The following MECOM variants were observed in gnomAD, a reference collection of about 807,000 sequenced individuals.
The protein encoded by MECOM is histone-lysine N-methyltransferase MECOM.
Under a neutral mutation model 116.3 loss-of-function variants are expected in MECOM, and 13 were observed. The observed-to-expected ratio is 0.11, with a 90% CI of 0.07 to 0.18. The LOEUF (loss-of-function observed/expected upper bound fraction) is 0.18. Among genes scored for constraint, MECOM ranks in the 10% least tolerant of loss-of-function variants. The pLI, the probability that MECOM is intolerant of heterozygous loss-of-function variation, is 1.00. For missense variants in MECOM, 1,299 were observed against 1,509.0 expected (o/e 0.86, Z 2.31); for synonymous variants, 528 against 535.2 (o/e 0.99, Z 0.19).
chr3:169,253,021 A>G (rs1340047870), intron 2 of MECOM, among the ~76,000 whole-genome samples: 1 of 152,194 alleles, frequency 6.6e-6, no homozygotes, highest in Non-Finnish European at 1.5e-5. Context: ...GATCCATTTG[A>G]CATTCAAAAG....
Position 169,301,909 on chromosome 3 carries a change from G to A in MECOM, c.375+79278C>T, listed in dbSNP as rs189273848. Among the ~76,000 whole-genome samples the A allele has an allele frequency of 2.0e-4, 31 of 152,138 alleles. No individual in the cohort carries two copies. The East Asian group carries it at 6.0e-3, about 29-fold the overall frequency. On this transcript the variant is annotated intron_variant, in intron 2 of 16. Transcript: ENST00000651503. Reference sequence around the variant, plus strand: ...ATCAATATGATGGGGGCAACACAAAGGAGGGGGGCTTAGCACTGACATCAG... The same window carrying A: ...ATCAATATGATGGGGGCAACACAAAAGAGGGGGGCTTAGCACTGACATCAG...
intron 2 of MECOM, among the ~76,000 whole-genome samples, chr3:169,169,879 G>A: frequency 6.7e-6 from 1 of 150,098 alleles, no homozygotes. Context: ...ATACCAGCCA[G>A]CCAAAATACA....
chr3:169,612,350 C>T (rs1769388458), intron 1 of MECOM, among the ~76,000 whole-genome samples: 1 of 152,126 alleles, frequency 6.6e-6, no homozygotes, highest in South Asian at 2.1e-4. Flanking sequence ...GGAATCTTGA[C>T]ATTGCTGAGA....
chr3:169,138,586 G>A (rs1737094144), intron 3 of MECOM, among the ~76,000 whole-genome samples: 3 of 152,078 alleles, frequency 2.0e-5, no homozygotes, highest in South Asian at 2.1e-4. Flanking sequence ...CATAACTTTG[G>A]TATAAAAGTG....
intron 2 of MECOM, among the ~76,000 whole-genome samples, chr3:169,344,832 C>A (rs1725082363): frequency 1.3e-5 from 2 of 152,124 alleles, no homozygotes; most frequent in Admixed American, 1.3e-4. Flanking sequence ...CCATAGGCTT[C>A]CTGTCAACCT....
intron 2 of MECOM, among the ~76,000 whole-genome samples, chr3:169,217,472 T>C (rs1200802782): frequency 6.6e-6 from 1 of 152,124 alleles, no homozygotes; most frequent in African/African-American, 2.4e-5. Flanking sequence ...CTCACTACTA[T>C]ATACATGAAA....
intron 1 of MECOM, among the ~76,000 whole-genome samples, chr3:169,561,134 T>C (rs1364008386): frequency 1.3e-5 from 2 of 151,834 alleles, no homozygotes; most frequent in Non-Finnish European, 2.9e-5. Flanking sequence ...CATGTCATAA[T>C]ATTAACAAAA....
At chr3:169,391,932 A>T (rs987247622) in intron 1 of MECOM, among the ~76,000 whole-genome samples, 1 of 151,858 alleles carries the variant, frequency 6.6e-6, no homozygotes, top group Non-Finnish European at 1.5e-5. Context: ...CTGACTTTCA[A>T]AAAAAAATGC....
At chr3:169,570,799 T>C (rs915023684) in intron 1 of MECOM, among the ~76,000 whole-genome samples, 14 of 152,222 alleles carry the variant, frequency 9.2e-5, no homozygotes, top group African/African-American at 2.9e-4. Context: ...CCCCTCATGA[T>C]AAAAACTCTC....
chr3:169,231,056 C>T (rs1753333684), intron 2 of MECOM, among the ~76,000 whole-genome samples: 1 of 152,016 alleles, frequency 6.6e-6, no homozygotes, highest in South Asian at 2.1e-4. Flanking sequence ...AAAAGATTCC[C>T]AAAATATTCT....
chr3:169,477,041 C>T (rs1049678281), intron 1 of MECOM: 1 of 143,064 alleles, frequency 7.0e-6, no homozygotes, highest in Non-Finnish European at 1.5e-5. Flanking sequence ...TAAACTCCTA[C>T]ATGCGACATA....
At chr3:169,242,560 C>T (rs1168966218) in intron 2 of MECOM, among the ~76,000 whole-genome samples, 2 of 152,214 alleles carry the variant, frequency 1.3e-5, no homozygotes, top group South Asian at 2.1e-4. Flanking sequence ...TCCGACTGCT[C>T]GGCGCCAACC....
intron 5 of MECOM, among the ~76,000 whole-genome samples, chr3:169,125,282 G>A (rs1027046013): frequency 6.6e-6 from 1 of 151,990 alleles, no homozygotes; most frequent in Admixed American, 6.6e-5. Flanking sequence ...AACAACTGTC[G>A]TTAACATTGA....
intron 1 of MECOM, among the ~76,000 whole-genome samples, chr3:169,454,390 GA>G (rs35807490): frequency 0.095 from 10,594 of 111,678 alleles, 354 homozygotes; most frequent in African/African-American, 0.14. Flanking sequence ...TTTCTTTCAG[GA>G]AAAAAAAAAA....
chr3:169,448,302 G>A (rs147980491), intron 1 of MECOM, among the ~76,000 whole-genome samples: 34 of 152,270 alleles, frequency 2.2e-4, no homozygotes, highest in African/African-American at 7.9e-4. Flanking sequence ...AGGATTTTAA[G>A]AAGATATAGA....
intron 2 of MECOM, among the ~76,000 whole-genome samples, chr3:169,301,880 A>G (rs1330767626): frequency 6.6e-6 from 1 of 152,140 alleles, no homozygotes; most frequent in Non-Finnish European, 1.5e-5. Flanking sequence ...TCCTTCAAGT[A>G]TAAATCAATA....
At chr3:169,170,216 T>C (rs908673810) in intron 2 of MECOM, among the ~76,000 whole-genome samples, 2 of 151,702 alleles carry the variant, frequency 1.3e-5, no homozygotes, top group Non-Finnish European at 2.9e-5. Context: ...ATCGAGACCA[T>C]CCTGGCCAAC....
At chr3:169,153,368 CTAGGAAAAATTTACTATTATCT>C (rs1310163799) in intron 2 of MECOM, among the ~76,000 whole-genome samples, 1 of 152,032 alleles carries the variant, frequency 6.6e-6, no homozygotes, top group Non-Finnish European at 1.5e-5. Context: ...TTTTATATCA[CTAGGAAAAATTTACTATTATCT>C]TTTTATTTTA....
chr3:169,125,854 T>C (rs1284725550), intron 5 of MECOM, among the ~76,000 whole-genome samples: 1 of 152,072 alleles, frequency 6.6e-6, no homozygotes, highest in Non-Finnish European at 1.5e-5. Context: ...CATTCTTTTC[T>C]CAAGATTTTA....
Sources: allele counts gnomAD v4.1 joint callset (sites outside exome capture counted in the v4.1 genomes callset), GRCh38; gene constraint gnomAD v4.1.1; transcripts MANE v1.5; gene names NCBI Gene and HGNC (gene_info 2026-07-23, HGNC 2026-07-21).